TAF5: variants seen among roughly 807,000 people sequenced by gnomAD.
TAF5 encodes the protein transcription initiation factor TFIID subunit 5.
A neutral mutation model predicts 80.9 loss-of-function variants in TAF5; 20 were observed. The ratio of observed to expected loss-of-function variants is 0.25; its 90% confidence interval spans 0.17 to 0.36. The LOEUF is 0.36. Ranked by LOEUF, TAF5 falls within the 10% of genes least tolerant of loss-of-function variation. TAF5 has a pLI of 1.00. For missense variants in TAF5, 863 were observed against 1,029.4 expected (o/e 0.84, Z 2.21); for synonymous variants, 388 against 406.4 (o/e 0.95, Z 0.55).
intron 1 of TAF5, among the ~76,000 whole-genome samples, chr10:103,369,216 T>C (rs1007692774): frequency 3.9e-5 from 6 of 151,942 alleles, no homozygotes; most frequent in African/African-American, 1.5e-4. Context: ...TGACCTCAGA[T>C]GATCCACCTG....
At chr10:103,385,573 C>A in intron 8 of TAF5, 83 bp downstream of exon 8, 1 of 1,408,758 alleles carries the variant, frequency 7.1e-7, no homozygotes. Flanking sequence ...CAGCCAAATT[C>A]ATTTACACTT....
At chr10:103,380,094 A>T (rs2133631683) in intron 5 of TAF5, 75 bp downstream of exon 5, 1 of 1,479,268 alleles carries the variant, frequency 6.8e-7, no homozygotes, top group East Asian at 2.4e-5. Context: ...AGAGAAACAA[A>T]TGTATTAGCT....
chr10:103,379,803 G>A, intron 4 of TAF5, 32 bp downstream of exon 4: 2 of 1,592,750 alleles, frequency 1.3e-6, no homozygotes, highest in Non-Finnish European at 1.7e-6. Context: ...CTTGTGTGTG[G>A]AGGTATAAGA....
In TAF5 at chr10:103,372,334, G is replaced by A. The variant is rs1438653922; in HGVS notation, c.560-1024G>A. On this transcript the variant is annotated intron_variant, in intron 1 of 10. Coordinates refer to ENST00000369839, the MANE Select transcript of TAF5 (RefSeq NM_006951.5). ...TTAAAAGATTATGGCTGGGCGCGGT[G>A]GCTCGTACTTTTTTTTTTGAGATGG... Among the ~76,000 whole-genome samples the A allele has an allele frequency of 2.0e-4, 29 of 146,928 alleles. 1 individual carries two copies. Among genetic ancestry groups the A allele is most frequent in the African/African-American group, 1.0e-4 (4 of 39,898 alleles).
intron 1 of TAF5, among the ~76,000 whole-genome samples, chr10:103,372,022 T>G (rs2093360623): frequency 6.7e-6 from 1 of 149,614 alleles, no homozygotes; most frequent in Non-Finnish European, 1.5e-5. Flanking sequence ...CTACAACCTC[T>G]GCCTCCTGGG....
chr10:103,380,129 TC>T, intron 5 of TAF5, 110 bp downstream of exon 5: 1 of 1,220,592 alleles, frequency 8.2e-7, no homozygotes, highest in Non-Finnish European at 1.1e-6. Flanking sequence ...TTATTTAAAC[TC>T]CTTTTTTTTT....
chr10:103,382,096 TCTAA>T (rs2093384347), intron 6 of TAF5, among the ~76,000 whole-genome samples: 2 of 152,204 alleles, frequency 1.3e-5, no homozygotes. Flanking sequence ...AAGTTAAAAA[TCTAA>T]CATTTTATGA....
In TAF5 at chr10:103,368,399, ACAGCGCCGGCGCTGAGGTGAC is replaced by A. The variant is rs2093350533; in HGVS notation, c.417_437del (p.Gly140_Ala146del). ...GGCTCCGGAGCCCCGGGAGAGGTGGACAGCGCCGGCGCTGAGGTGACCAGCGCGCTTCTCAGCCGGGTGACC... is the reference window on the plus strand; with the variant it reads ...GGCTCCGGAGCCCCGGGAGAGGTGGACAGCGCGCTTCTCAGCCGGGTGACC... On this transcript the variant is annotated inframe_deletion, in exon 1 of 11. Transcript: ENST00000369839. 6.9e-7 allele frequency: 1 copy of A among 1,451,674 alleles called. No homozygotes were observed. The highest frequency in any genetic ancestry group is 1.5e-5 in the African/African-American group (1 of 68,590). The allele number at this position is 1,451,674 out of a possible 1,614,324, so 89.9% of individuals were successfully genotyped here. A position where few individuals can be genotyped will look rare whatever the true frequency, so the allele number is the denominator to read the frequency against.
rs777383112 is a variant in TAF5, at chr10:103,379,991, G to A, written c.1385G>A (p.Cys462Tyr). Residue 462 changes from cysteine (C) to tyrosine (Y), a missense_variant, in exon 5 of 11, where the codon TGT (cysteine) becomes TAT (tyrosine). Cys to Tyr is a radical substitution (Grantham distance 194). This residue lies in a region of TAF5 where 368 missense variants were observed against 461.7 expected (regional missense o/e 0.80). Transcript: ENST00000369839. ...GGGCCGGACTGCTTACCCTCCATTT[G>A]TTTCTATACATTTCTCAATGCTTAC... ...RLGPDCLPSI[C>Y]FYTFLNAYQG... The A allele has an allele frequency of 1.2e-6, 2 of 1,613,614 alleles. No homozygotes were observed. Among genetic ancestry groups the A allele is most frequent in the Non-Finnish European group, 1.7e-6 (2 of 1,179,862 alleles).
In TAF5 at chr10:103,388,229, C is replaced by T. The variant is rs200308407; in HGVS notation, c.*6C>T. On this transcript the variant is annotated 3_prime_UTR_variant, in exon 11 of 11. Transcript: ENST00000369839. ...GAGCTTATAGTCCACAATAAACCAT[C>T]GGTATTAAAGACCTTTTGGAAGCTA... 2.1e-5 allele frequency: 34 copies of T among 1,609,660 alleles called. No individual in the cohort carries two copies. The highest frequency in any genetic ancestry group is 1.5e-4 in the South Asian group (14 of 90,416).
rs1383339007 is a variant in TAF5 at position 103,379,864 on chromosome 10, ACT to A, written c.1278-15_1278-14del. The A allele has an allele frequency of 5.0e-6, 8 of 1,606,332 alleles. No homozygotes were observed. The highest frequency in any genetic ancestry group is 4.0e-5 in the African/African-American group (3 of 74,098). On this transcript the variant is annotated intron_variant, in intron 4 of 10. Coordinates refer to ENST00000369839, the MANE Select transcript of TAF5 (RefSeq NM_006951.5). ...TGTTAATAGTCAAAAGGTAATTTTGACTCTCTTTTTCTTTCACAGAATCCCTC... is the reference window on the plus strand; with the variant it reads ...TGTTAATAGTCAAAAGGTAATTTTGACTCTTTTTCTTTCACAGAATCCCTC...
chr10:103,387,327 G>A lies in TAF5; in HGVS notation c.1982G>A (p.Cys661Tyr), dbSNP rs1361433477. The part of the protein sequence containing the change: ...VRLWDVLNGN[C>Y]VRIFTGHKGP... ...CTCTGGGACGTCCTGAATGGTAACT[G>A]TGTAAGGATCTTCACTGGACACAAG... is the stretch of plus-strand genomic sequence containing the variant. The change falls in exon 9 of 11, where the codon TGT becomes TAT. Residue 661 changes from cysteine (C) to tyrosine (Y), a missense_variant. Coordinates refer to ENST00000369839, the MANE Select transcript of TAF5 (RefSeq NM_006951.5). 2 of 1,613,784 alleles carry A rather than the reference G, an allele frequency of 1.2e-6. No individual in the cohort carries two copies. The highest frequency in any genetic ancestry group is 2.2e-5 in the East Asian group (1 of 44,876).
chr10:103,386,504 T>C (rs900446986), intron 8 of TAF5, among the ~76,000 whole-genome samples: 41 of 152,056 alleles, frequency 2.7e-4, no homozygotes, highest in Non-Finnish European at 7.4e-5. Flanking sequence ...AGACTAGGAA[T>C]AGAGGAGGAA....
chr10:103,370,122 C>G (rs1279474066), intron 1 of TAF5, among the ~76,000 whole-genome samples: 1 of 151,254 alleles, frequency 6.6e-6, no homozygotes, highest in African/African-American at 2.4e-5. Flanking sequence ...ATCCCAGCTA[C>G]TTGGGGGGCT....
chr10:103,380,494 T>G (rs2093380184), intron 5 of TAF5, among the ~76,000 whole-genome samples: 1 of 152,200 alleles, frequency 6.6e-6, no homozygotes, highest in South Asian at 2.1e-4. Context: ...ACAGAATAGA[T>G]AGAAGTCAAT....
At chr10:103,385,024 A>T (rs1447046592) in intron 7 of TAF5, among the ~76,000 whole-genome samples, 1 of 152,042 alleles carries the variant, frequency 6.6e-6, no homozygotes. Context: ...TTTGTTAATT[A>T]CCCCTGCTAT....
At chr10:103,381,669 A>C in intron 5 of TAF5, 52 bp from the exon 6 acceptor site, 1 of 1,594,430 alleles carries the variant, frequency 6.3e-7, no homozygotes, top group Non-Finnish European at 8.6e-7. Context: ...TTTGCTTCCT[A>C]TCTCTAAATA....
intron 7 of TAF5, among the ~76,000 whole-genome samples, chr10:103,383,656 G>A (rs574572571): frequency 2.7e-5 from 4 of 145,744 alleles, no homozygotes; most frequent in East Asian, 2.0e-4. Context: ...TTGGCTTACC[G>A]CAACCTCCGC....
chr10:103,379,999 A>G lies in TAF5; in HGVS notation c.1393A>G (p.Thr465Ala). The G allele has an allele frequency of 2.5e-6, 4 of 1,613,492 alleles. No individual in the cohort carries two copies. Among genetic ancestry groups the G allele is most frequent in the Non-Finnish European group, 3.4e-6 (4 of 1,179,832 alleles). ...PDCLPSICFYTFLNAYQGLTA... is the reference protein window; with the variant it reads ...PDCLPSICFYAFLNAYQGLTA... ...CTGCTTACCCTCCATTTGTTTCTAT[A>G]CATTTCTCAATGCTTACCAGGTTGG... Residue 465 changes from threonine (T) to alanine (A), a missense_variant, in exon 5 of 11, where the codon ACA (threonine) becomes GCA (alanine). Coordinates refer to ENST00000369839, the MANE Select transcript of TAF5 (RefSeq NM_006951.5).
Sources: allele counts gnomAD v4.1 joint callset (sites outside exome capture counted in the v4.1 genomes callset), GRCh38; gene constraint gnomAD v4.1.1; regional missense constraint gnomAD v4.1.1; transcripts MANE v1.5; gene names NCBI Gene and HGNC (gene_info 2026-07-23, HGNC 2026-07-21).